PSAP: variants seen among roughly 807,000 people sequenced by gnomAD.
The protein encoded by PSAP is precursor of saposins.
In PSAP, 25 loss-of-function variants were observed where a neutral mutation model predicts 66.0. The observed-to-expected ratio is 0.38, with a 90% CI of 0.28 to 0.53. PSAP has a LOEUF of 0.53. PSAP is among the 20% of genes least tolerant of loss of function. PSAP has a pLI of 0.83. For synonymous variants in PSAP, 273 were observed against 258.9 expected (o/e 1.05, Z -0.52); for missense variants, 649 against 668.8 (o/e 0.97, Z 0.33).
chr10:71,819,281 T>A, intron 11 of PSAP, 170 bp from the exon 12 acceptor site: 2 of 1,058,574 alleles, frequency 1.9e-6, no homozygotes, highest in East Asian at 5.1e-5. Context: ...ATTTGGCCTC[T>A]CTACTTCAGG....
Position 71,828,860 on chromosome 10 carries a change from C to A in PSAP, c.576+17G>T. On this transcript the variant is annotated intron_variant, in intron 5 of 13. Transcript: ENST00000394936. The stretch of plus-strand genomic sequence containing the variant: ...GCAACCAAAAATGGGTCCTCAGTGG[C>A]CAGCCCGTTGTCTTACCTTTGGCTG... 1 of 1,613,522 alleles carries A rather than the reference C, an allele frequency of 6.2e-7. No individual in the cohort carries two copies. Among genetic ancestry groups the A allele is most frequent in the Non-Finnish European group, 8.5e-7 (1 of 1,179,898 alleles).
At chr10:71,840,964 C>G (rs1161117320) in intron 1 of PSAP, among the ~76,000 whole-genome samples, 1 of 152,202 alleles carries the variant, frequency 6.6e-6, no homozygotes, top group African/African-American at 2.4e-5. Flanking sequence ...ATAAAAACTC[C>G]TAACAAAGCT....
intron 7 of PSAP, among the ~76,000 whole-genome samples, chr10:71,822,481 C>A (rs1842323217): frequency 6.6e-6 from 1 of 152,176 alleles, no homozygotes; most frequent in South Asian, 2.1e-4. Context: ...TAAAATGATG[C>A]ATTAAGGGGA....
rs544878071 is a variant in PSAP, at chr10:71,818,497, T to C, written c.1539+120A>G. The C allele has an allele frequency of 1.2e-5, 11 of 942,388 alleles. No homozygotes were observed. The Admixed American group carries it at 1.5e-4, about 13-fold the overall frequency. 58.4% of individuals were successfully genotyped at this position (942,388 alleles called of 1,614,324 possible). A position where few individuals can be genotyped will look rare whatever the true frequency, so the allele number is the denominator to read the frequency against. On this transcript the variant is annotated intron_variant, in intron 13 of 13. Coordinates refer to ENST00000394936, the MANE Select transcript of PSAP (RefSeq NM_002778.4). ...CCTAACCACCTCTCTGGGCCTCAGC[T>C]TTCTGATAACATAAAAGCAGGGTGG...
At chr10:71,843,639 G>C (rs1842769576) in intron 1 of PSAP, among the ~76,000 whole-genome samples, 1 of 152,192 alleles carries the variant, frequency 6.6e-6, no homozygotes, top group South Asian at 2.1e-4. Context: ...TCACCTAGCA[G>C]TTTATTAGAC....
At chr10:71,843,898 G>A (rs774717332) in intron 1 of PSAP, among the ~76,000 whole-genome samples, 11 of 152,300 alleles carry the variant, frequency 7.2e-5, no homozygotes, top group East Asian at 1.9e-4. Context: ...TATACAACAC[G>A]TTAACAGTAG....
Position 71,817,362 on chromosome 10 carries a change from C to A in PSAP, c.*79G>T. ...ATTTTTATAACAAAGTCAAACAGAT[C>A]TGTGCGTTCATTCCCCCAGACACAC... On this transcript the variant is annotated 3_prime_UTR_variant, in exon 14 of 14. Coordinates refer to ENST00000394936, the MANE Select transcript of PSAP (RefSeq NM_002778.4). 2 of 1,431,944 alleles carry A rather than the reference C, an allele frequency of 1.4e-6. No individual in the cohort carries two copies. Among genetic ancestry groups the A allele is most frequent in the Non-Finnish European group, 2.0e-6 (2 of 1,014,176 alleles). The allele number at this position is 1,431,944 out of a possible 1,614,324, so 88.7% of individuals were successfully genotyped here. A position where few individuals can be genotyped will look rare whatever the true frequency, so the allele number is the denominator to read the frequency against.
intron 11 of PSAP, 56 bp downstream of exon 11, chr10:71,819,409 G>A (rs1842245733): frequency 1.9e-6 from 3 of 1,603,640 alleles, no homozygotes; most frequent in Non-Finnish European, 2.6e-6. Context: ...CCCAGCCTTG[G>A]CATACTTCAT....
chr10:71,819,848 A>G lies in PSAP; in HGVS notation c.1058T>C (p.Leu353Pro). The G allele has an allele frequency of 6.2e-7, 1 of 1,614,176 alleles. No individual in the cohort carries two copies. The highest frequency in any genetic ancestry group is 2.2e-5 in the East Asian group (1 of 44,874). Reference protein sequence around the residue: ...DKMCSKLPKSLSEECQEVVDT... With the variant: ...DKMCSKLPKSPSEECQEVVDT... ...CACCACCTCCTGGCACTCTTCCGAC[A>G]GGGACTTCGGCAGCTTCGAGCACAT... The change falls in exon 10 of 14, where the codon CTG becomes CCG. Residue 353 changes from leucine (L) to proline (P), a missense_variant. By Grantham distance (98) the Leu-to-Pro change is moderately conservative (BLOSUM62 -3). Coordinates refer to ENST00000394936, the MANE Select transcript of PSAP (RefSeq NM_002778.4).
chr10:71,821,830 G>A, intron 8 of PSAP, 46 bp downstream of exon 8: 1 of 1,613,100 alleles, frequency 6.2e-7, no homozygotes, highest in Non-Finnish European at 8.5e-7. Context: ...AGGGAGTAGT[G>A]TGGCATTGCA....
chr10:71,842,895 C>T (rs139688099), intron 1 of PSAP, among the ~76,000 whole-genome samples: 3 of 152,226 alleles, frequency 2.0e-5, no homozygotes, highest in East Asian at 1.9e-4. Flanking sequence ...GACAAAGACT[C>T]GGCACTATGA....
chr10:71,818,878 G>A (rs1229038470), intron 12 of PSAP, among the ~76,000 whole-genome samples, 153 bp downstream of exon 12: 1 of 152,128 alleles, frequency 6.6e-6, no homozygotes, highest in Non-Finnish European at 1.5e-5. Context: ...AAGCGATGGG[G>A]CTTGGGGGGC....
In PSAP at chr10:71,834,469, G is replaced by C. The variant is rs755189773; in HGVS notation, c.77C>G (p.Thr26Ser). The change falls in exon 2 of 14, where the codon ACC becomes AGC. Residue 26 changes from threonine to serine, a missense_variant. By Grantham distance (58) the Thr-to-Ser change is moderately conservative. Transcript: ENST00000394936. Reference protein sequence around the residue: ...AGPVLGLKECTRGSAVWCQNV... With the variant: ...AGPVLGLKECSRGSAVWCQNV... ...CTGGCACCACACTGCCGAGCCCCTG[G>C]TGCATTCTTTCAGTCCAAGGACCGG... 1 of 1,614,040 alleles carries C rather than the reference G, an allele frequency of 6.2e-7. No homozygotes were observed. The highest frequency in any genetic ancestry group is 8.5e-7 in the Non-Finnish European group (1 of 1,179,972).
chr10:71,820,256 T>A lies in PSAP; in HGVS notation c.989A>T (p.Asp330Val). The A allele has an allele frequency of 6.2e-7, 1 of 1,613,786 alleles. No homozygotes were observed. Among genetic ancestry groups the A allele is most frequent in the Non-Finnish European group, 8.5e-7 (1 of 1,179,660 alleles). Residue 330 changes from aspartate (D) to valine (V), a missense_variant, in exon 9 of 14, where the codon GAC (aspartate) becomes GTC (valine). Asp to Val is a radical substitution (Grantham distance 152). Transcript: ENST00000394936. ...ACAGCATACCTCAGTCTTGTTGTTG[T>A]CAATCAGCTTGGTCACCTCCTTCAC... is the stretch of plus-strand genomic sequence containing the variant. ...FLVKEVTKLI[D>V]NNKTEKEILD...
intron 1 of PSAP, among the ~76,000 whole-genome samples, chr10:71,838,035 G>C (rs1399943375): frequency 2.0e-5 from 3 of 152,220 alleles, no homozygotes; most frequent in Non-Finnish European, 4.4e-5. Flanking sequence ...GGGATTTCTG[G>C]GAGGGACAGG....
intron 1 of PSAP, among the ~76,000 whole-genome samples, chr10:71,848,665 G>A (rs982482753): frequency 3.9e-5 from 6 of 152,208 alleles, no homozygotes; most frequent in African/African-American, 1.4e-4. Context: ...TACTACGACA[G>A]TGTCACGAAG....
chr10:71,831,360 A>G (rs1303658034), intron 3 of PSAP, 109 bp from the exon 4 acceptor site: 2 of 1,428,170 alleles, frequency 1.4e-6, no homozygotes, highest in African/African-American at 2.8e-5. Context: ...AGCCTGGAAA[A>G]CAGCCAGCCC....
intron 1 of PSAP, 58 bp downstream of exon 1, chr10:71,851,124 T>TG (rs2133075156): frequency 6.5e-7 from 1 of 1,539,652 alleles, no homozygotes; most frequent in East Asian, 2.4e-5. Context: ...CAGCCCATTC[T>TG]GGGGCAGATG....
At position 71,827,726 on chromosome 10, in the gene PSAP, C is replaced by CA. The variant is rs1183654773; in HGVS notation, c.720+287dup. On this transcript the variant is annotated intron_variant, in intron 6 of 13. Transcript: ENST00000394936. ...TGGGCAACAGAGCAACACTCAGTCTCAAAAAAAAAAAAAAAAAATGGGGGC... is the reference window on the plus strand; with the variant it reads ...TGGGCAACAGAGCAACACTCAGTCTCAAAAAAAAAAAAAAAAAAATGGGGGC... 0.023 allele frequency among the ~76,000 whole-genome samples: 1,928 copies of CA among 84,384 alleles called. 31 individuals carry two copies. Among genetic ancestry groups the CA allele is most frequent in the Middle Eastern group, 0.092 (11 of 120 alleles). The allele number at this position is 84,384 out of a possible 152,430, so 55.4% of individuals were successfully genotyped here.
Sources: allele counts gnomAD v4.1 joint callset (sites outside exome capture counted in the v4.1 genomes callset), GRCh38; gene constraint gnomAD v4.1.1; transcripts MANE v1.5; gene names NCBI Gene and HGNC (gene_info 2026-07-23, HGNC 2026-07-21).